PREX2: variants seen among roughly 807,000 people sequenced by gnomAD.
The protein encoded by PREX2 is phosphatidylinositol 3,4,5-trisphosphate-dependent Rac exchanger 2 protein.
PREX2 carries 107 observed loss-of-function variants against 203.2 expected under a neutral mutation model. That is an observed-to-expected ratio of 0.53 (90% CI 0.45 to 0.62). The LOEUF (loss-of-function observed/expected upper bound fraction) is 0.62. Among genes scored for constraint, PREX2 ranks in the 20% least tolerant of loss-of-function variants. The probability of loss-of-function intolerance (pLI) is 0.00; values close to 1 mark genes in which losing one functional copy is unlikely to be tolerated. For missense variants in PREX2, 1,777 were observed against 1,955.9 expected (o/e 0.91, Z 1.72); for synonymous variants, 672 against 663.6 (o/e 1.01, Z -0.19).
chr8:68,035,742 C>T (rs1808007537), intron 6 of PREX2, among the ~76,000 whole-genome samples: 1 of 152,146 alleles, frequency 6.6e-6, no homozygotes, highest in African/African-American at 2.4e-5. Flanking sequence ...TATTTCATGC[C>T]ATGATGGTAG....
At chr8:68,048,203 C>T (rs1436192186) in intron 8 of PREX2, among the ~76,000 whole-genome samples, 3 of 151,974 alleles carry the variant, frequency 2.0e-5, no homozygotes, top group African/African-American at 7.2e-5. Flanking sequence ...CTAGTTTGAT[C>T]ATGATGCTAT....
intron 1 of PREX2, among the ~76,000 whole-genome samples, chr8:67,990,747 A>G (rs1052810028): frequency 1.3e-5 from 2 of 152,104 alleles, no homozygotes; most frequent in African/African-American, 4.8e-5. Flanking sequence ...TCTTGACCTC[A>G]GGTGATCTGC....
At chr8:68,024,911 TATA>T (rs1277598483) in intron 4 of PREX2, among the ~76,000 whole-genome samples, 5 of 152,038 alleles carry the variant, frequency 3.3e-5, no homozygotes, top group African/African-American at 1.2e-4. Context: ...GACATTTGGC[TATA>T]ATATTTCCTG....
intron 1 of PREX2, among the ~76,000 whole-genome samples, chr8:68,016,471 T>C (rs1405844121): frequency 6.6e-6 from 1 of 152,216 alleles, no homozygotes; most frequent in Non-Finnish European, 1.5e-5. Flanking sequence ...ATATGCTTAG[T>C]GATTCTTTTA....
chr8:68,050,893 G>A (rs180786770), intron 8 of PREX2, among the ~76,000 whole-genome samples: 8 of 152,156 alleles, frequency 5.3e-5, no homozygotes, highest in Non-Finnish European at 1.0e-4. Flanking sequence ...GAGAGCAGCA[G>A]ACAAGAAAAG....
chr8:68,080,381 T>C, intron 15 of PREX2, 62 bp from the exon 16 acceptor site: 2 of 1,447,250 alleles, frequency 1.4e-6, no homozygotes, highest in Non-Finnish European at 1.9e-6. Context: ...ATGTCACTGC[T>C]ATTGAAAATG....
At chr8:68,228,944 T>TAAAAAAAAAAA (rs58993264) in intron 39 of PREX2, among the ~76,000 whole-genome samples, 7 of 103,528 alleles carry the variant, frequency 6.8e-5, no homozygotes, top group Non-Finnish European at 1.1e-4. Flanking sequence ...CTTGTCTCTT[T>TAAAAAAAAAAA]AAAAAAAAAA....
chr8:68,164,736 C>G (rs1400383527), intron 35 of PREX2, among the ~76,000 whole-genome samples: 1 of 151,850 alleles, frequency 6.6e-6, no homozygotes, highest in African/African-American at 2.4e-5. Flanking sequence ...GCATGTGCCA[C>G]CACGCCAGGC....
intron 37 of PREX2, among the ~76,000 whole-genome samples, chr8:68,193,507 G>A (rs142446395): frequency 6.6e-6 from 1 of 152,182 alleles, no homozygotes; most frequent in Admixed American, 6.5e-5. Flanking sequence ...GCAAAGGATT[G>A]CAGTCAGTGC....
intron 34 of PREX2, among the ~76,000 whole-genome samples, chr8:68,148,549 A>C (rs79843974): frequency 0.052 from 7,939 of 152,342 alleles, 310 homozygotes; most frequent in South Asian, 0.15. Flanking sequence ...CATAGGCAAA[A>C]AATTATTTTG....
rs779349585 is a variant in PREX2 at position 68,069,848 on chromosome 8, A to AT, written c.1459dup (p.Cys487LeufsTer5). Reference sequence around the variant, plus strand: ...TATTTTACGTAGGGTGTAAGATTATATTGTCGTCTTCATAGCCTTTTTACT... The same window carrying AT: ...TATTTTACGTAGGGTGTAAGATTATATTTGTCGTCTTCATAGCCTTTTTACT... On this transcript the variant is annotated frameshift_variant, in exon 13 of 40. Coordinates refer to ENST00000288368, the MANE Select transcript of PREX2 (RefSeq NM_024870.4). LOFTEE classifies it high-confidence loss of function. The AT allele has an allele frequency of 1.9e-6, 3 of 1,548,518 alleles. No homozygotes were observed.
Position 68,228,944 on chromosome 8 carries a change from TA to T in PREX2, c.4776-2366del, listed in dbSNP as rs58993264. ...GAGACAGAGTGAGACCTTGTCTCTT[TA>T]AAAAAAAAAAAAAAAAAAAAAAGAA... is the stretch of plus-strand genomic sequence containing the variant. On this transcript the variant is annotated intron_variant, in intron 39 of 39. Coordinates refer to ENST00000288368, the MANE Select transcript of PREX2 (RefSeq NM_024870.4). 6.8e-3 allele frequency among the ~76,000 whole-genome samples: 701 copies of T among 103,536 alleles called. 1 individual carries two copies. The highest frequency in any genetic ancestry group is 0.022 in the Admixed American group (188 of 8,690). 67.9% of individuals were successfully genotyped at this position (103,536 alleles called of 152,430 possible).
At chr8:68,201,481 T>TG (rs1177922733) in intron 37 of PREX2, among the ~76,000 whole-genome samples, 1 of 152,146 alleles carries the variant, frequency 6.6e-6, no homozygotes, top group African/African-American at 2.4e-5. Context: ...CTGAAGAACT[T>TG]GGAGTCCAAT....
intron 6 of PREX2, 62 bp downstream of exon 6, chr8:68,030,720 A>C: frequency 1.3e-6 from 2 of 1,508,630 alleles, no homozygotes; most frequent in South Asian, 2.3e-5. Flanking sequence ...CCTCGTGCAG[A>C]ATTACTGGCG....
chr8:68,122,015 T>C (rs1312126088), intron 30 of PREX2, among the ~76,000 whole-genome samples: 1 of 152,194 alleles, frequency 6.6e-6, no homozygotes, highest in Non-Finnish European at 1.5e-5. Context: ...AGAATTACAG[T>C]GTAACTGCAG....
intron 33 of PREX2, among the ~76,000 whole-genome samples, chr8:68,138,929 A>G (rs957452582): frequency 6.6e-6 from 1 of 152,150 alleles, no homozygotes; most frequent in Non-Finnish European, 1.5e-5. Flanking sequence ...TCACATTCCT[A>G]ATGTCCAGTA....
intron 34 of PREX2, among the ~76,000 whole-genome samples, chr8:68,148,101 G>C (rs1333382366): frequency 6.6e-6 from 1 of 152,058 alleles, no homozygotes; most frequent in Non-Finnish European, 1.5e-5. Context: ...ACAAAAATTA[G>C]CCAGGTGTGT....
intron 37 of PREX2, among the ~76,000 whole-genome samples, chr8:68,196,644 G>A (rs1373481377): frequency 6.6e-6 from 1 of 151,696 alleles, no homozygotes; most frequent in South Asian, 2.1e-4. Flanking sequence ...TGATTGGATC[G>A]TGGGGGTGGA....
intron 39 of PREX2, among the ~76,000 whole-genome samples, chr8:68,228,977 A>G (rs895028106): frequency 2.0e-5 from 3 of 151,308 alleles, no homozygotes; most frequent in Non-Finnish European, 4.4e-5. Context: ...AGAAAGAAAA[A>G]AATGGCTATG....
Sources: allele counts gnomAD v4.1 joint callset (sites outside exome capture counted in the v4.1 genomes callset), GRCh38; gene constraint gnomAD v4.1.1; transcripts MANE v1.5; gene names NCBI Gene and HGNC (gene_info 2026-07-23, HGNC 2026-07-21).